The following MDN1 variants were observed in gnomAD, a reference collection of about 807,000 sequenced individuals.
The protein encoded by MDN1 is midasin AAA ATPase 1.
A neutral mutation model predicts 669.2 loss-of-function variants in MDN1; 266 were observed. That is an observed-to-expected ratio of 0.40 (90% CI 0.36 to 0.44). The LOEUF (loss-of-function observed/expected upper bound fraction) is 0.44, where lower values mean the gene tolerates loss of function less well. Among genes scored for constraint, MDN1 ranks in the 20% least tolerant of loss-of-function variants. The pLI, the probability that MDN1 is intolerant of heterozygous loss-of-function variation, is 1.00. For synonymous variants in MDN1, 2,385 were observed against 2,457.1 expected, an observed-to-expected ratio of 0.97 and a Z score of 0.87; for missense variants, 5,940 against 6,754.0, an observed-to-expected ratio of 0.88 and a Z score of 4.22.
Position 89,803,895 on chromosome 6 carries a change from CTTTT to C in MDN1, c.103-345_103-342del, listed in dbSNP as rs56246331. Among the ~76,000 whole-genome samples the C allele has an allele frequency of 3.1e-4, 24 of 76,410 alleles. 1 individual carries two copies. The highest frequency in any genetic ancestry group is 4.0e-4 in the Non-Finnish European group (17 of 42,896). 50.1% of individuals were successfully genotyped at this position (76,410 alleles called of 152,430 possible). A position where few individuals can be genotyped will look rare whatever the true frequency, so the allele number is the denominator to read the frequency against. On this transcript the variant is annotated intron_variant, in intron 1 of 101. Transcript: ENST00000369393. ...CGCGCCCGGCCTTTTCTTTTCTTTTCTTTTTTTTTTTTTTTTTTTTTTTGGAGAC... is the reference window on the plus strand; with the variant it reads ...CGCGCCCGGCCTTTTCTTTTCTTTTCTTTTTTTTTTTTTTTTTTTGGAGAC...
At chr6:89,647,807 G>A (rs1371046829) in intron 99 of MDN1, among the ~76,000 whole-genome samples, 1 of 152,092 alleles carries the variant, frequency 6.6e-6, no homozygotes, top group Non-Finnish European at 1.5e-5. Context: ...ATAAAAATTA[G>A]CCAGACATGG....
At chr6:89,730,430 G>C (rs770691551) in intron 35 of MDN1, among the ~76,000 whole-genome samples, 1 of 152,166 alleles carries the variant, frequency 6.6e-6, no homozygotes, top group Non-Finnish European at 1.5e-5. Flanking sequence ...GTCAACATTA[G>C]TAGAGTTTAG....
In MDN1 at chr6:89,819,614, G is replaced by A; in HGVS notation, c.-7C>T. ...CCAGCAAGAAGTGCTCCATGACCCA[G>A]GGCCCTCACCCCGAGCGGCCACCTG... On this transcript the variant is annotated 5_prime_UTR_variant, in exon 1 of 102. Transcript: ENST00000369393. 2.5e-6 allele frequency: 4 copies of A among 1,600,132 alleles called. No individual in the cohort carries two copies. Among genetic ancestry groups the A allele is most frequent in the Non-Finnish European group, 2.5e-6 (3 of 1,179,454 alleles).
At chr6:89,781,715 G>T in intron 9 of MDN1, 123 bp from the exon 10 acceptor site, 1 of 766,600 alleles carries the variant, frequency 1.3e-6, no homozygotes, top group African/African-American at 1.8e-5. Context: ...GTTCACTGGG[G>T]GACGGTAGCT....
In MDN1 at chr6:89,646,522, G is replaced by A; in HGVS notation, c.16459+18C>T. The A allele has an allele frequency of 6.2e-7, 1 of 1,612,006 alleles. No homozygotes were observed. The highest frequency in any genetic ancestry group is 8.5e-7 in the Non-Finnish European group (1 of 1,178,248). ...CAAGAAAGCATTTTGTTAATGAAGA[G>A]GAAGGCATGCAGCTCACCTGAACTG... On this transcript the variant is annotated intron_variant, in intron 100 of 101. Transcript: ENST00000369393.
At chr6:89,810,713 T>C (rs1250046775) in intron 1 of MDN1, among the ~76,000 whole-genome samples, 1 of 152,094 alleles carries the variant, frequency 6.6e-6, no homozygotes, top group Non-Finnish European at 1.5e-5. Context: ...AACAGTCATA[T>C]TGTGCTGGGT....
intron 11 of MDN1, among the ~76,000 whole-genome samples, chr6:89,779,655 C>T (rs1465571614): frequency 6.6e-6 from 1 of 152,190 alleles, no homozygotes; most frequent in East Asian, 1.9e-4. Context: ...ACCTGTTTTA[C>T]TCTATATCAA....
Position 89,819,754 on chromosome 6 carries a change from G to T in MDN1, c.-147C>A. 1.5e-6 allele frequency: 1 copy of T among 650,070 alleles called. No homozygotes were observed. 40.3% of individuals were successfully genotyped at this position (650,070 alleles called of 1,614,324 possible). A position where few individuals can be genotyped will look rare whatever the true frequency, so the allele number is the denominator to read the frequency against. On this transcript the variant is annotated 5_prime_UTR_variant, in exon 1 of 102. Transcript: ENST00000369393. ...AGCTCCAGCGCCTACACCGGGAGAG[G>T]GGCACCACACGTGGGTGAGCACACG...
At chr6:89,777,270 TGA>T (rs1370472654) in intron 11 of MDN1, among the ~76,000 whole-genome samples, 1 of 152,158 alleles carries the variant, frequency 6.6e-6, no homozygotes, top group Non-Finnish European at 1.5e-5. Flanking sequence ...ACAGAAAATA[TGA>T]GAGATAAAAC....
chr6:89,659,298 A>G (rs1274374768), intron 88 of MDN1, among the ~76,000 whole-genome samples: 1 of 152,248 alleles, frequency 6.6e-6, no homozygotes, highest in Non-Finnish European at 1.5e-5. Flanking sequence ...ACTTGAGCCC[A>G]GGAGGTCAAG....
chr6:89,792,664 T>G (rs1034737257), intron 5 of MDN1, among the ~76,000 whole-genome samples: 1 of 147,234 alleles, frequency 6.8e-6, no homozygotes, highest in Non-Finnish European at 1.5e-5. Context: ...TATATGTATA[T>G]TACATTTTAA....
In MDN1 at chr6:89,743,625, G is replaced by A; in HGVS notation, c.4268C>T (p.Ser1423Leu). 1 of 1,614,132 alleles carries A rather than the reference G, an allele frequency of 6.2e-7. No homozygotes were observed. Among genetic ancestry groups the A allele is most frequent in the Non-Finnish European group, 8.5e-7 (1 of 1,179,952 alleles). Reference sequence around the variant, plus strand: ...TGGCCGCAGGCCACCCAGGAAGTCTGATGTCTCCATGTGTAAGTGGCAGCT... The same window carrying A: ...TGGCCGCAGGCCACCCAGGAAGTCTAATGTCTCCATGTGTAAGTGGCAGCT... ...SVSCHLHMET[S>L]DFLGGLRPVR... Residue 1423 changes from serine (S) to leucine (L), a missense_variant, in exon 30 of 102, where the codon TCA (serine) becomes TTA (leucine). Around this residue, in one of 5 missense-constraint regions of MDN1, gnomAD observed 2,292 missense variants for 2,638.3 expected, o/e 0.87. Transcript: ENST00000369393.
intron 73 of MDN1, among the ~76,000 whole-genome samples, chr6:89,681,822 G>A (rs1811629964): frequency 6.6e-6 from 1 of 152,018 alleles, no homozygotes; most frequent in Admixed American, 6.6e-5. Flanking sequence ...TCTTTAAAAA[G>A]TAATTTTTTT....
intron 9 of MDN1, among the ~76,000 whole-genome samples, chr6:89,782,756 T>A (rs1185177228): frequency 6.6e-6 from 1 of 151,874 alleles, no homozygotes; most frequent in Non-Finnish European, 1.5e-5. Flanking sequence ...CTGGCCAACA[T>A]GGTGAAACCC....
rs766370239 is a variant in MDN1 at position 89,674,207 on chromosome 6, G to C, written c.13144C>G (p.Gln4382Glu). ...RMRKQDHLWQQSTTRLTEMLK... is the reference protein window; with the variant it reads ...RMRKQDHLWQESTTRLTEMLK... Reference sequence around the variant, plus strand: ...ATCTCTGTTAATCTCGTAGTTGACTGTTGCCAAAGGTGATCCTGTTTCCGC... The same window carrying C: ...ATCTCTGTTAATCTCGTAGTTGACTCTTGCCAAAGGTGATCCTGTTTCCGC... The change falls in exon 79 of 102, where the codon CAG (glutamine) becomes GAG (glutamate). Residue 4382 changes from glutamine (Q) to glutamate (E), a missense_variant. Around this residue, in one of 5 missense-constraint regions of MDN1, gnomAD observed 2,280 missense variants for 2,576.3 expected, o/e 0.88. Transcript: ENST00000369393. The C allele has an allele frequency of 3.7e-6, 6 of 1,614,222 alleles. No homozygotes were observed. The Admixed American group carries it at 1.0e-4, about 27-fold the overall frequency.
intron 62 of MDN1, 73 bp from the exon 63 acceptor site, chr6:89,693,221 A>G: frequency 9.2e-7 from 1 of 1,088,736 alleles, no homozygotes; most frequent in Non-Finnish European, 1.3e-6. Flanking sequence ...ATCCTCAGCT[A>G]GGAAAACCGA....
intron 16 of MDN1, 95 bp from the exon 17 acceptor site, chr6:89,761,843 T>C: frequency 2.2e-6 from 2 of 911,994 alleles, no homozygotes; most frequent in Middle Eastern, 3.0e-4. Flanking sequence ...ACACAAAAAT[T>C]AAGCATCTTA....
At chr6:89,648,211 C>T (rs774873971) in intron 98 of MDN1, 45 bp downstream of exon 98, 1 of 1,608,874 alleles carries the variant, frequency 6.2e-7, no homozygotes, top group South Asian at 1.1e-5. Context: ...AATAACCAAA[C>T]AGGTTGTGAA....
At chr6:89,650,610 G>C in intron 96 of MDN1, 122 bp downstream of exon 96, 1 of 718,812 alleles carries the variant, frequency 1.4e-6, no homozygotes, top group Non-Finnish European at 2.3e-6. Flanking sequence ...ACTGGTGCCT[G>C]TACGGCACAA....
Sources: allele counts gnomAD v4.1 joint callset (sites outside exome capture counted in the v4.1 genomes callset), GRCh38; gene constraint gnomAD v4.1.1; regional missense constraint gnomAD v4.1.1; transcripts MANE v1.5; gene names NCBI Gene and HGNC (gene_info 2026-07-23, HGNC 2026-07-21).